SLIT3: variants seen among roughly 807,000 people sequenced by gnomAD.
SLIT3 encodes slit guidance ligand 3, also known as slit homolog 3 protein.
In SLIT3, 68 loss-of-function variants were observed where a neutral mutation model predicts 184.0. The ratio of observed to expected loss-of-function variants is 0.37; its 90% CI spans 0.30 to 0.45. The LOEUF is 0.45. Ranked by LOEUF, SLIT3 falls within the 20% of genes least tolerant of loss-of-function variation. SLIT3 has a pLI of 1.00. For missense variants in SLIT3, 1,707 were observed against 2,026.0 expected, an observed-to-expected ratio of 0.84 and a Z score of 3.02; for synonymous variants, 831 against 828.6, an observed-to-expected ratio of 1.00 and a Z score of -0.05.
chr5:168,780,125 C>T (rs1755917804), intron 12 of SLIT3, among the ~76,000 whole-genome samples: 1 of 152,266 alleles, frequency 6.6e-6, no homozygotes, highest in Admixed American at 6.5e-5. Context: ...GACTCAGTGG[C>T]CCAGTGCAAT....
chr5:169,081,694 T>G lies in SLIT3; in HGVS notation c.413+111785A>C, dbSNP rs552221738. On this transcript the variant is annotated intron_variant, in intron 4 of 35. Coordinates refer to ENST00000519560, the MANE Select transcript of SLIT3 (RefSeq NM_003062.4). ...TTAAGCAGACAGCTAGAGGAAGGCA[T>G]GAGTCCCGGCAGCAATTCACAATGG... Among the ~76,000 whole-genome samples, 4 of 152,240 alleles carry G rather than the reference T, an allele frequency of 2.6e-5. No homozygotes were observed. The South Asian group carries it at 8.3e-4, about 32-fold the overall frequency.
intron 4 of SLIT3, among the ~76,000 whole-genome samples, chr5:169,107,887 G>A (rs1401043355): frequency 6.6e-6 from 1 of 152,188 alleles, no homozygotes; most frequent in African/African-American, 2.4e-5. Context: ...ATTGCAGCTT[G>A]AGAACTCCTT....
chr5:168,872,406 G>A (rs1343406010), intron 5 of SLIT3, among the ~76,000 whole-genome samples: 1 of 152,102 alleles, frequency 6.6e-6, no homozygotes, highest in Non-Finnish European at 1.5e-5. Flanking sequence ...ACTTTAGTTA[G>A]TAATGTATCA....
intron 23 of SLIT3, among the ~76,000 whole-genome samples, chr5:168,714,635 G>A (rs1580994861): frequency 6.6e-6 from 1 of 152,042 alleles, no homozygotes; most frequent in Non-Finnish European, 1.5e-5. Flanking sequence ...AATTTACTAG[G>A]ACAACTCATT....
At chr5:168,947,507 G>T (rs1361093274) in intron 4 of SLIT3, among the ~76,000 whole-genome samples, 4 of 152,008 alleles carry the variant, frequency 2.6e-5, no homozygotes, top group Non-Finnish European at 4.4e-5. Context: ...GGCATAGGAA[G>T]AAAAAAAACA....
intron 3 of SLIT3, among the ~76,000 whole-genome samples, chr5:169,230,937 C>A (rs1764980307): frequency 1.3e-5 from 2 of 152,106 alleles, no homozygotes; most frequent in Admixed American, 6.5e-5. Flanking sequence ...CTATATCCAC[C>A]ACTTAGATTC....
intron 1 of SLIT3, among the ~76,000 whole-genome samples, chr5:169,285,670 T>C (rs1317434944): frequency 6.6e-6 from 1 of 152,206 alleles, no homozygotes; most frequent in East Asian, 1.9e-4. Flanking sequence ...AGCAACCATG[T>C]GAGAAGTTAG....
intron 18 of SLIT3, among the ~76,000 whole-genome samples, chr5:168,750,178 T>C (rs1464431970): frequency 6.6e-6 from 1 of 152,164 alleles, no homozygotes; most frequent in Non-Finnish European, 1.5e-5. Context: ...GTAGGGTCTG[T>C]TTGCCTCTGC....
intron 4 of SLIT3, among the ~76,000 whole-genome samples, chr5:169,080,272 C>G (rs2113157137): frequency 6.6e-6 from 1 of 152,270 alleles, no homozygotes; most frequent in East Asian, 1.9e-4. Context: ...GAGCCTGACT[C>G]AAGTTTGGCT....
chr5:169,204,197 T>TAGGG (rs1296389871), intron 3 of SLIT3, among the ~76,000 whole-genome samples: 1 of 149,582 alleles, frequency 6.7e-6, no homozygotes, highest in East Asian at 2.0e-4. Flanking sequence ...AGGAGGGAGA[T>TAGGG]AGGGAGGGAG....
intron 3 of SLIT3, among the ~76,000 whole-genome samples, chr5:169,224,420 T>C (rs1764728704): frequency 6.6e-6 from 1 of 151,794 alleles, no homozygotes; most frequent in Non-Finnish European, 1.5e-5. Context: ...CAGTCTGGAG[T>C]GCAGTGGCAA....
chr5:169,280,600 G>C (rs1766963954), intron 1 of SLIT3, among the ~76,000 whole-genome samples: 1 of 152,118 alleles, frequency 6.6e-6, no homozygotes, highest in South Asian at 2.1e-4. Flanking sequence ...TGCCATTCTG[G>C]TGACATGTGG....
chr5:168,671,531 C>A (rs763373028), intron 33 of SLIT3, 48 bp from the exon 34 acceptor site: 1 of 1,564,440 alleles, frequency 6.4e-7, no homozygotes, highest in Non-Finnish European at 8.7e-7. Flanking sequence ...TCCCCTGCCA[C>A]CCTGCTGTCC....
At chr5:168,700,800 C>A in intron 26 of SLIT3, 121 bp from the exon 27 acceptor site, 4 of 723,432 alleles carry the variant, frequency 5.5e-6, no homozygotes, top group Non-Finnish European at 9.7e-6. Flanking sequence ...CAACAAGGAG[C>A]CCCTAGGAAA....
chr5:168,708,065 C>A lies in SLIT3; in HGVS notation c.2755G>T (p.Ala919Ser). 6.2e-7 allele frequency: 1 copy of A among 1,614,202 alleles called. No homozygotes were observed. The highest frequency in any genetic ancestry group is 8.5e-7 in the Non-Finnish European group (1 of 1,180,044). The change falls in exon 26 of 36, where the codon GCC (alanine) becomes TCC (serine). Residue 919 changes from alanine to serine, a missense_variant. Coordinates refer to ENST00000519560, the MANE Select transcript of SLIT3 (RefSeq NM_003062.4). ...TTCTTGCACGGGCTGGAGAGGCAGG[C>A]ATTGCATTTGGCCACAATGTTGATG... ...VDINIVAKCN[A>S]CLSSPCKNNG...
intron 4 of SLIT3, among the ~76,000 whole-genome samples, chr5:169,034,677 G>A (rs115937538): frequency 0.017 from 2,533 of 151,996 alleles, 83 homozygotes; most frequent in African/African-American, 0.057. Flanking sequence ...CCAGCTAGAC[G>A]CTAGATCAAA....
chr5:169,293,392 C>G (rs1341832820), intron 1 of SLIT3, among the ~76,000 whole-genome samples: 1 of 151,986 alleles, frequency 6.6e-6, no homozygotes, highest in Non-Finnish European at 1.5e-5. Flanking sequence ...GATGGAAGAC[C>G]AACCTTCGTG....
intron 34 of SLIT3, 48 bp downstream of exon 34, chr5:168,671,150 G>C (rs748570235): frequency 1.9e-6 from 3 of 1,577,816 alleles, no homozygotes; most frequent in Admixed American, 3.4e-5. Flanking sequence ...AGGGACTGAG[G>C]CCATTCTGGG....
intron 4 of SLIT3, among the ~76,000 whole-genome samples, chr5:169,000,165 A>G (rs993321803): frequency 3.3e-5 from 5 of 152,086 alleles, no homozygotes; most frequent in African/African-American, 9.7e-5. Flanking sequence ...AGGCTGAGGC[A>G]GGCGCATCAT....
Sources: allele counts gnomAD v4.1 joint callset (sites outside exome capture counted in the v4.1 genomes callset), GRCh38; gene constraint gnomAD v4.1.1; transcripts MANE v1.5; gene names NCBI Gene and HGNC (gene_info 2026-07-23, HGNC 2026-07-21).